HHAT: variants seen among roughly 807,000 people sequenced by gnomAD.
The protein encoded by HHAT is hedgehog acyltransferase.
A neutral mutation model predicts 70.8 loss-of-function variants in HHAT; 47 were observed. The ratio of observed to expected loss-of-function variants is 0.66; its 90% CI spans 0.53 to 0.85. The LOEUF is 0.85. HHAT is among the 40% of genes least tolerant of loss of function. HHAT has a pLI of 0.00. For synonymous variants in HHAT, 228 were observed against 247.6 expected, an observed-to-expected ratio of 0.92 and a Z score of 0.74; for missense variants, 609 against 604.8, an observed-to-expected ratio of 1.01 and a Z score of -0.07.
At chr1:210,651,300 C>T (rs1675082491) in intron 11 of HHAT, among the ~76,000 whole-genome samples, 1 of 152,186 alleles carries the variant, frequency 6.6e-6, no homozygotes, top group African/African-American at 2.4e-5. Context: ...GTCTGGAAAA[C>T]AGAGACTATA....
In HHAT at chr1:210,467,905, A is replaced by C. The variant is rs540008025; in HGVS notation, c.1007+3250A>C. ...GTCAGCAGCCTGCCGTATCAGAGGAATATGAGCTCTACAGAGAACAGATAA... is the reference window on the plus strand; with the variant it reads ...GTCAGCAGCCTGCCGTATCAGAGGACTATGAGCTCTACAGAGAACAGATAA... On this transcript the variant is annotated intron_variant, in intron 8 of 11. Transcript: ENST00000261458. Among the ~76,000 whole-genome samples the C allele has an allele frequency of 2.0e-5, 3 of 152,330 alleles. No individual in the cohort carries two copies. The East Asian group carries it at 5.8e-4, about 29-fold the overall frequency.
Position 210,587,920 on chromosome 1 carries a change from G to A in HHAT, c.1066G>A (p.Gly356Arg), listed in dbSNP as rs776106560. The change falls in exon 10 of 12, where the codon GGG (glycine) becomes AGG (arginine). Residue 356 changes from glycine (G) to arginine (R), a missense_variant. Transcript: ENST00000261458. ...TAGGTATGTGTACATTCCAGTGGGC[G>A]GGTCCCAGCATGGCCTGCTGGGGAC... ...LIRYVYIPVG[G>R]SQHGLLGTLF... 2.1e-5 allele frequency: 34 copies of A among 1,613,948 alleles called. No individual in the cohort carries two copies. The highest frequency in any genetic ancestry group is 1.6e-4 in the Middle Eastern group (1 of 6,062).
chr1:210,669,851 G>C (rs1365330831), intron 11 of HHAT, among the ~76,000 whole-genome samples: 1 of 152,184 alleles, frequency 6.6e-6, no homozygotes, highest in Non-Finnish European at 1.5e-5. Context: ...ACATTAATGG[G>C]GAGAGAGACA....
At chr1:210,558,526 G>C (rs1464426707) in intron 9 of HHAT, among the ~76,000 whole-genome samples, 1 of 152,152 alleles carries the variant, frequency 6.6e-6, no homozygotes, top group African/African-American at 2.4e-5. Flanking sequence ...GATTGTAGAG[G>C]GAGCATAAGG....
At chr1:210,496,864 T>A (rs2094653945) in intron 8 of HHAT, among the ~76,000 whole-genome samples, 1 of 152,240 alleles carries the variant, frequency 6.6e-6, no homozygotes, top group South Asian at 2.1e-4. Flanking sequence ...TGTACTAATG[T>A]CCTTTCAGAA....
At chr1:210,538,265 C>CTAAGGATT (rs1558118182) in intron 9 of HHAT, among the ~76,000 whole-genome samples, 1 of 152,038 alleles carries the variant, frequency 6.6e-6, no homozygotes, top group East Asian at 1.9e-4. Context: ...TTTACTTCAT[C>CTAAGGATT]TAAGGATTTA....
At chr1:210,594,712 G>A (rs541734372) in intron 10 of HHAT, among the ~76,000 whole-genome samples, 7 of 152,222 alleles carry the variant, frequency 4.6e-5, no homozygotes, top group South Asian at 2.1e-4. Flanking sequence ...AAGAACTGCC[G>A]TTGGCATTTC....
intron 1 of HHAT, among the ~76,000 whole-genome samples, chr1:210,334,674 T>A (rs1424343758): frequency 6.6e-6 from 1 of 151,498 alleles, no homozygotes; most frequent in African/African-American, 2.4e-5. Flanking sequence ...CCTACCTTTT[T>A]ATTTTTTTAT....
intron 3 of HHAT, among the ~76,000 whole-genome samples, chr1:210,383,607 A>G (rs12093502): frequency 0.15 from 23,391 of 152,120 alleles, 1,914 homozygotes; most frequent in African/African-American, 0.2. Context: ...ATGCAACATC[A>G]AGAGTGAACC....
At chr1:210,533,897 C>A (rs946925988) in intron 9 of HHAT, among the ~76,000 whole-genome samples, 1 of 152,106 alleles carries the variant, frequency 6.6e-6, no homozygotes, top group African/African-American at 2.4e-5. Context: ...AAAAAAGGCC[C>A]GGCTTGAATG....
intron 8 of HHAT, among the ~76,000 whole-genome samples, chr1:210,469,470 C>T (rs945856472): frequency 6.6e-6 from 1 of 152,104 alleles, no homozygotes; most frequent in Non-Finnish European, 1.5e-5. Context: ...TTTCTTGAGG[C>T]ATTAAAATGG....
intron 10 of HHAT, among the ~76,000 whole-genome samples, chr1:210,595,721 G>T (rs1413684362): frequency 7.2e-5 from 11 of 152,302 alleles, no homozygotes; most frequent in African/African-American, 2.4e-4. Flanking sequence ...GGCCAGTGAT[G>T]ATGAGCATTT....
chr1:210,448,231 G>A lies in HHAT; in HGVS notation c.857-16274G>A, dbSNP rs541579139. Among the ~76,000 whole-genome samples the A allele has an allele frequency of 7.9e-5, 12 of 152,140 alleles. No individual in the cohort carries two copies. In the East Asian group the frequency reaches 2.3e-3, roughly 29 times the overall value. The stretch of plus-strand genomic sequence containing the variant: ...TGAGTAGCTGGGACTGCAGGCGCCT[G>A]CCACCATGCCTGGCTAATTTTTGTA... On this transcript the variant is annotated intron_variant, in intron 7 of 11. Transcript: ENST00000261458.
chr1:210,483,228 G>C (rs887708849), intron 8 of HHAT, among the ~76,000 whole-genome samples: 2 of 152,166 alleles, frequency 1.3e-5, no homozygotes, highest in African/African-American at 4.8e-5. Flanking sequence ...TGGGGAGAGT[G>C]TTGGGACTAT....
intron 10 of HHAT, chr1:210,588,821 G>A (rs1449679745): frequency 6.6e-6 from 1 of 152,102 alleles, no homozygotes; most frequent in Non-Finnish European, 1.5e-5. Context: ...AGTATAACTG[G>A]AATTTTAAAT....
intron 9 of HHAT, among the ~76,000 whole-genome samples, chr1:210,580,530 CCT>C (rs1558206048): frequency 7.2e-6 from 1 of 137,992 alleles, no homozygotes; most frequent in Non-Finnish European, 1.5e-5. Context: ...GTGTTGTTCC[CCT>C]GTCTGTATCC....
chr1:210,405,687 A>C (rs1199576375), intron 6 of HHAT, among the ~76,000 whole-genome samples: 1 of 152,204 alleles, frequency 6.6e-6, no homozygotes, highest in Admixed American at 6.5e-5. Context: ...CATTGTATTC[A>C]AGAATATATT....
chr1:210,524,235 A>T (rs928615734), intron 9 of HHAT, among the ~76,000 whole-genome samples: 2 of 152,252 alleles, frequency 1.3e-5, no homozygotes, highest in Non-Finnish European at 2.9e-5. Flanking sequence ...TAGATCTCAC[A>T]TTAAGTGTTT....
At chr1:210,360,631 A>G (rs2088187039) in intron 2 of HHAT, among the ~76,000 whole-genome samples, 1 of 151,962 alleles carries the variant, frequency 6.6e-6, no homozygotes, top group South Asian at 2.1e-4. Flanking sequence ...TTTGGTCTAG[A>G]GCTATGCTGT....
Sources: allele counts gnomAD v4.1 joint callset (sites outside exome capture counted in the v4.1 genomes callset), GRCh38; gene constraint gnomAD v4.1.1; transcripts MANE v1.5; gene names NCBI Gene and HGNC (gene_info 2026-07-23, HGNC 2026-07-21).